MYSM1: variants seen among roughly 807,000 people sequenced by gnomAD.
MYSM1 encodes the protein Myb like, SWIRM and MPN domains 1.
In MYSM1, 51 loss-of-function variants were observed where a neutral mutation model predicts 116.0. The ratio of observed to expected loss-of-function variants is 0.44; its 90% CI spans 0.35 to 0.56. The LOEUF is 0.56. MYSM1 is among the 20% of genes least tolerant of loss of function. The pLI is 0.00. For synonymous variants in MYSM1, 313 were observed against 315.2 expected (o/e 0.99, Z 0.07); for missense variants, 900 against 974.9 (o/e 0.92, Z 1.02).
chr1:58,661,263 G>A (rs1346687123), intron 18 of MYSM1, 36 bp from the exon 19 acceptor site: 10 of 1,534,348 alleles, frequency 6.5e-6, no homozygotes, highest in East Asian at 2.3e-5. Context: ...CTGGTGAAAC[G>A]AATACTATAA....
At chr1:58,674,654 G>A (rs189884124) in intron 10 of MYSM1, among the ~76,000 whole-genome samples, 19 of 152,040 alleles carry the variant, frequency 1.2e-4, no homozygotes, top group Admixed American at 5.9e-4. Context: ...GGCTGCACAC[G>A]GTGGCTCACG....
intron 16 of MYSM1, among the ~76,000 whole-genome samples, chr1:58,666,048 C>G (rs942399770): frequency 7.9e-5 from 12 of 151,246 alleles, no homozygotes; most frequent in African/African-American, 2.7e-4. Flanking sequence ...CAGAGTAAGA[C>G]TATGTCTCTA....
At chr1:58,669,309 A>G (rs940701613) in intron 12 of MYSM1, among the ~76,000 whole-genome samples, 6 of 152,198 alleles carry the variant, frequency 3.9e-5, no homozygotes, top group Admixed American at 1.3e-4. Context: ...ACTATCAGAC[A>G]TATGTCCCAC....
chr1:58,684,198 GAT>G (rs1359798906), intron 7 of MYSM1, among the ~76,000 whole-genome samples: 4 of 152,062 alleles, frequency 2.6e-5, no homozygotes, highest in Non-Finnish European at 5.9e-5. Flanking sequence ...TACATGAAGA[GAT>G]AATATCAAAT....
rs549795162 is a variant in MYSM1, at chr1:58,675,565, T to C, written c.1406A>G (p.Asn469Ser). ...TACTTTGTCAACTGTTTGTGGCCTA[T>C]TATACACAGCCTGTTCTATTGGAAT... The part of the protein sequence containing the change: ...INFGCEQAVY[N>S]RPQTVDKVRI... The change falls in exon 10 of 20, where the codon AAT becomes AGT. Residue 469 changes from asparagine (N) to serine (S), a missense_variant. Asn to Ser is a conservative substitution (Grantham distance 46). Transcript: ENST00000472487. 7.4e-6 allele frequency: 12 copies of C among 1,613,292 alleles called. No individual in the cohort carries two copies. Among genetic ancestry groups the C allele is most frequent in the South Asian group, 2.2e-5 (2 of 90,928 alleles).
At chr1:58,664,722 G>GA (rs1344465103) in intron 17 of MYSM1, among the ~76,000 whole-genome samples, 2 of 152,222 alleles carry the variant, frequency 1.3e-5, no homozygotes, top group African/African-American at 4.8e-5. Flanking sequence ...AAACAGGATA[G>GA]AAAAAATGGG....
At chr1:58,666,998 G>T (rs757979192) in intron 16 of MYSM1, 40 bp downstream of exon 16, 5 of 1,217,632 alleles carry the variant, frequency 4.1e-6, no homozygotes, top group Non-Finnish European at 5.8e-6. Context: ...CATTGAGGGG[G>T]TGTGCAACCA....
At chr1:58,664,789 TG>T (rs1158329505) in intron 17 of MYSM1, among the ~76,000 whole-genome samples, 1 of 152,176 alleles carries the variant, frequency 6.6e-6, no homozygotes, top group African/African-American at 2.4e-5. Flanking sequence ...GAGTACAATG[TG>T]GGGTAACTGT....
chr1:58,665,928 G>C lies in MYSM1; in HGVS notation c.2032-297C>G, dbSNP rs111846398. Reference sequence around the variant, plus strand: ...AAAAATTAGCCAGGTGTAGTGGCACGTGCCTGTAACCCCAGCTACTCAGGA... The same window carrying C: ...AAAAATTAGCCAGGTGTAGTGGCACCTGCCTGTAACCCCAGCTACTCAGGA... On this transcript the variant is annotated intron_variant, in intron 16 of 19. Transcript: ENST00000472487. Among the ~76,000 whole-genome samples the C allele has an allele frequency of 1.8e-3, 267 of 152,158 alleles. 1 individual carries two copies. The highest frequency in any genetic ancestry group is 5.9e-3 in the African/African-American group (246 of 41,508).
intron 3 of MYSM1, among the ~76,000 whole-genome samples, chr1:58,691,007 C>T (rs1242990815): frequency 6.6e-6 from 1 of 152,016 alleles, no homozygotes; most frequent in Non-Finnish European, 1.5e-5. Flanking sequence ...AGGCCAGGCG[C>T]GGTGGCTCAC....
At chr1:58,698,102 A>ATATATATATATATTTTTTTTT in intron 1 of MYSM1, among the ~76,000 whole-genome samples, 1 of 7,770 alleles carries the variant, frequency 1.3e-4, no homozygotes, top group African/African-American at 2.6e-4. Flanking sequence ...ATATATATAT[A>ATATATATATATATTTTTTTTT]TTTTTTTTTT....
intron 1 of MYSM1, among the ~76,000 whole-genome samples, chr1:58,696,177 G>GC (rs1644971200): frequency 6.6e-6 from 1 of 152,146 alleles, no homozygotes; most frequent in East Asian, 1.9e-4. Context: ...ACCAGGAAGG[G>GC]TAAATAAAGG....
At chr1:58,688,774 T>G (rs1406424725) in intron 6 of MYSM1, among the ~76,000 whole-genome samples, 2 of 152,172 alleles carry the variant, frequency 1.3e-5, no homozygotes, top group African/African-American at 4.8e-5. Flanking sequence ...ATACCTCAAT[T>G]TCTTGGATTT....
chr1:58,669,847 A>AC (rs1644530689), intron 12 of MYSM1, among the ~76,000 whole-genome samples: 6 of 147,862 alleles, frequency 4.1e-5, no homozygotes, highest in African/African-American at 1.2e-4. Context: ...AAAAAAAAAA[A>AC]AAAAAAAAAA....
intron 17 of MYSM1, among the ~76,000 whole-genome samples, chr1:58,661,971 T>A (rs944325349): frequency 2.4e-5 from 2 of 85,016 alleles, no homozygotes; most frequent in Non-Finnish European, 5.9e-5. Flanking sequence ...TAAGTTATTG[T>A]TTTTTTTTTA....
At chr1:58,696,926 G>A (rs569599540) in intron 1 of MYSM1, among the ~76,000 whole-genome samples, 3 of 152,314 alleles carry the variant, frequency 2.0e-5, no homozygotes, top group East Asian at 3.8e-4. Context: ...GGGGAGTGAA[G>A]AGAATAATAT....
chr1:58,683,112 T>C (rs977416973), intron 7 of MYSM1, among the ~76,000 whole-genome samples: 1 of 152,246 alleles, frequency 6.6e-6, no homozygotes, highest in Non-Finnish European at 1.5e-5. Flanking sequence ...AATATATAAC[T>C]AATTCATGGG....
At chr1:58,698,983 A>G (rs1235836809) in intron 1 of MYSM1, among the ~76,000 whole-genome samples, 2 of 152,238 alleles carry the variant, frequency 1.3e-5, no homozygotes, top group African/African-American at 2.4e-5. Flanking sequence ...TTGCCGCTTT[A>G]TAGAACAAAA....
Position 58,659,955 on chromosome 1 carries a change from G to T in MYSM1, c.*42C>A, listed in dbSNP as rs1280067684. ...TTCAAGTTTATAACTTTGAAAGTAA[G>T]ATCTACTGTGTCAAGATTAAAATGT... On this transcript the variant is annotated 3_prime_UTR_variant, in exon 20 of 20. Coordinates refer to ENST00000472487, the MANE Select transcript of MYSM1 (RefSeq NM_001085487.3). The T allele has an allele frequency of 1.6e-6, 2 of 1,241,380 alleles. No individual in the cohort carries two copies. The highest frequency in any genetic ancestry group is 1.6e-5 in the African/African-American group (1 of 64,326). The allele number at this position is 1,241,380 out of a possible 1,614,324, so 76.9% of individuals were successfully genotyped here. A position where few individuals can be genotyped will look rare whatever the true frequency, so the allele number is the denominator to read the frequency against.
Sources: allele counts gnomAD v4.1 joint callset (sites outside exome capture counted in the v4.1 genomes callset), GRCh38; gene constraint gnomAD v4.1.1; transcripts MANE v1.5; gene names NCBI Gene and HGNC (gene_info 2026-07-23, HGNC 2026-07-21).